The following DDX60 variants were observed in gnomAD, a reference collection of about 807,000 sequenced individuals.
DDX60 encodes probable ATP-dependent RNA helicase DDX60.
DDX60 carries 165 observed loss-of-function variants against 212.8 expected under a neutral mutation model. The observed-to-expected ratio is 0.78, with a 90% CI of 0.68 to 0.88. The LOEUF is 0.88. Among genes scored for constraint, DDX60 ranks in the 40% least tolerant of loss-of-function variants. The probability of loss-of-function intolerance (pLI) is 0.00; values close to 1 mark genes in which losing one functional copy is unlikely to be tolerated. For synonymous variants in DDX60, 703 were observed against 685.3 expected (o/e 1.03, Z -0.40); for missense variants, 1,905 against 2,003.9 (o/e 0.95, Z 0.94).
chr4:168,219,691 G>A (rs62336245), intron 37 of DDX60, among the ~76,000 whole-genome samples: 2,331 of 152,184 alleles, frequency 0.015, 30 homozygotes, highest in Non-Finnish European at 0.022. Context: ...GGGATAGGAC[G>A]AAGCAACACC....
At chr4:168,247,916 G>A (rs540816505) in intron 29 of DDX60, among the ~76,000 whole-genome samples, 1 of 152,168 alleles carries the variant, frequency 6.6e-6, no homozygotes, top group Non-Finnish European at 1.5e-5. Flanking sequence ...AATGCCGTGG[G>A]AGAGTAATTA....
chr4:168,262,622 G>T, intron 23 of DDX60, 61 bp downstream of exon 23: 2 of 1,123,662 alleles, frequency 1.8e-6, no homozygotes, highest in Non-Finnish European at 2.7e-6. Context: ...ATTAGAAAGG[G>T]TGAGAGTTTG....
intron 10 of DDX60, among the ~76,000 whole-genome samples, chr4:168,286,431 T>C (rs74840535): frequency 3.3e-3 from 182 of 55,538 alleles, no homozygotes; most frequent in African/African-American, 0.015. Flanking sequence ...ACGAGATAGA[T>C]AGATAGATAG....
rs186026540 is a variant in DDX60 at position 168,269,769 on chromosome 4, T to C, written c.2671-800A>G. 6.2e-4 allele frequency among the ~76,000 whole-genome samples: 95 copies of C among 152,272 alleles called. 1 individual carries two copies. In the East Asian group the frequency reaches 0.017, roughly 27 times the overall value. ...TCTCTGGCTTTATCTCAATCCACTGTCTCCACCTTTACTATGGTCCAGAAA... is the reference window on the plus strand; with the variant it reads ...TCTCTGGCTTTATCTCAATCCACTGCCTCCACCTTTACTATGGTCCAGAAA... On this transcript the variant is annotated intron_variant, in intron 19 of 37. Transcript: ENST00000393743.
intron 30 of DDX60, among the ~76,000 whole-genome samples, chr4:168,242,398 G>C (rs948108592): frequency 6.6e-6 from 1 of 152,224 alleles, no homozygotes; most frequent in Non-Finnish European, 1.5e-5. Flanking sequence ...GCCAGCCTAT[G>C]AAGGCAGCCA....
At chr4:168,234,670 C>T (rs567696834) in intron 33 of DDX60, among the ~76,000 whole-genome samples, 1 of 151,894 alleles carries the variant, frequency 6.6e-6, no homozygotes, top group African/African-American at 2.4e-5. Context: ...CAATTACCGA[C>T]CTCTTTTCTT....
At chr4:168,265,126 T>A (rs1335163626) in intron 22 of DDX60, among the ~76,000 whole-genome samples, 1 of 152,182 alleles carries the variant, frequency 6.6e-6, no homozygotes, top group Non-Finnish European at 1.5e-5. Flanking sequence ...GACACTGTCC[T>A]TAGCCAGAAA....
At chr4:168,303,925 T>C (rs972768274) in intron 5 of DDX60, among the ~76,000 whole-genome samples, 36 of 152,048 alleles carry the variant, frequency 2.4e-4, no homozygotes, top group Non-Finnish European at 5.9e-5. Context: ...GAGGTTGTGG[T>C]GAGCTGAGAT....
intron 8 of DDX60, among the ~76,000 whole-genome samples, chr4:168,290,733 T>C (rs1736057778): frequency 6.6e-6 from 1 of 152,188 alleles, no homozygotes; most frequent in African/African-American, 2.4e-5. Flanking sequence ...AAGCATTCTA[T>C]GATTCCGTCT....
intron 14 of DDX60, among the ~76,000 whole-genome samples, chr4:168,279,616 C>A (rs1227723361): frequency 6.6e-6 from 1 of 152,152 alleles, no homozygotes; most frequent in African/African-American, 2.4e-5. Context: ...GAGTGATATT[C>A]GAGACTTCCT....
At chr4:168,302,241 A>C in intron 6 of DDX60, 59 bp downstream of exon 6, 1 of 861,882 alleles carries the variant, frequency 1.2e-6, no homozygotes, top group Non-Finnish European at 1.7e-6. Context: ...TGATTTTTGC[A>C]ACTTTTCTAT....
intron 26 of DDX60, among the ~76,000 whole-genome samples, chr4:168,253,801 C>T (rs1157629898): frequency 2.6e-5 from 4 of 152,164 alleles, no homozygotes; most frequent in East Asian, 3.9e-4. Context: ...AAGACTCCTC[C>T]GTAAACCCTG....
intron 25 of DDX60, among the ~76,000 whole-genome samples, chr4:168,257,179 G>C (rs1237069285): frequency 6.6e-6 from 1 of 152,294 alleles, no homozygotes; most frequent in East Asian, 1.9e-4. Context: ...GGGCGTGGTG[G>C]CACATGCCTG....
Position 168,272,035 on chromosome 4 carries a change from A to G in DDX60, c.2670+8T>C. ...GGGAATTAAGCAAAGAAAGAACACC[A>G]AACCTACCTCATCAAATATAACATA... On this transcript the variant is annotated splice_region_variant and intron_variant, in intron 19 of 37. Coordinates refer to ENST00000393743, the MANE Select transcript of DDX60 (RefSeq NM_017631.6). 6.4e-7 allele frequency: 1 copy of G among 1,567,862 alleles called. No homozygotes were observed. The highest frequency in any genetic ancestry group is 8.7e-7 in the Non-Finnish European group (1 of 1,153,312).
chr4:168,302,137 CA>C lies in DDX60; in HGVS notation c.723+162del, dbSNP rs371831927. ...TAAAGTTTAGTTAATAGGATTGACACAATGTTAATTTCCTGGTTTTCATAAA... is the reference window on the plus strand; with the variant it reads ...TAAAGTTTAGTTAATAGGATTGACACATGTTAATTTCCTGGTTTTCATAAA... On this transcript the variant is annotated intron_variant, in intron 6 of 37. Coordinates refer to ENST00000393743, the MANE Select transcript of DDX60 (RefSeq NM_017631.6). Among the ~76,000 whole-genome samples the C allele has an allele frequency of 6.2e-4, 95 of 152,288 alleles. No homozygotes were observed. The East Asian group carries it at 0.017, about 27-fold the overall frequency.
intron 5 of DDX60, among the ~76,000 whole-genome samples, chr4:168,303,118 C>A (rs113249141): frequency 6.6e-6 from 1 of 151,516 alleles, no homozygotes; most frequent in Non-Finnish European, 1.5e-5. Context: ...CTGGCTAACA[C>A]GGTGAAACCC....
chr4:168,277,228 C>A (rs594343), intron 14 of DDX60, among the ~76,000 whole-genome samples: 16,700 of 152,124 alleles, frequency 0.11, 1,140 homozygotes, highest in African/African-American at 0.19. Flanking sequence ...GTATCCACAG[C>A]AGCTTTGGAA....
At chr4:168,250,733 C>T (rs1027048272) in intron 28 of DDX60, among the ~76,000 whole-genome samples, 22 of 151,744 alleles carry the variant, frequency 1.4e-4, no homozygotes, top group African/African-American at 5.1e-4. Flanking sequence ...ACCATGTTGG[C>T]CAGGCTGGTC....
At chr4:168,238,460 AAGGGAAGGGAAG>A (rs1225109779) in intron 30 of DDX60, among the ~76,000 whole-genome samples, 4 of 124,764 alleles carry the variant, frequency 3.2e-5, no homozygotes, top group Admixed American at 1.9e-4. Context: ...AAGGGAAGGG[AAGGGAAGGGAAG>A]GGAAGGGAAG....
Sources: gnomAD v4.1 joint callset for allele counts (sites outside exome capture counted in the v4.1 genomes callset) on GRCh38, gnomAD v4.1.1 for gene constraint, MANE v1.5 for transcripts, NCBI Gene and HGNC (gene_info 2026-07-23, HGNC 2026-07-21) for gene names.